Variants in MMP16 observed in about 807,000 individuals in gnomAD.
MMP16 encodes the protein matrix metalloproteinase-16.
In MMP16, 12 loss-of-function variants were observed where a neutral mutation model predicts 67.8. That is an observed-to-expected ratio of 0.18 (90% CI 0.11 to 0.29). The LOEUF is 0.29. Among genes scored for constraint, MMP16 ranks in the 10% least tolerant of loss-of-function variants. The probability of loss-of-function intolerance (pLI) is 1.00; values close to 1 mark genes in which losing one functional copy is unlikely to be tolerated. For synonymous variants in MMP16, 249 were observed against 255.9 expected (o/e 0.97, Z 0.26); for missense variants, 475 against 765.7 (o/e 0.62, Z 4.48).
intron 1 of MMP16, among the ~76,000 whole-genome samples, chr8:88,266,146 G>A (rs1317500206): frequency 6.6e-6 from 1 of 152,040 alleles, no homozygotes; most frequent in Non-Finnish European, 1.5e-5. Flanking sequence ...TCCCATTATT[G>A]TAACAAAAAT....
intron 7 of MMP16, among the ~76,000 whole-genome samples, chr8:88,060,678 T>C (rs1367487210): frequency 6.6e-6 from 1 of 152,062 alleles, no homozygotes; most frequent in Non-Finnish European, 1.5e-5. Context: ...CTTCATCTTA[T>C]TACTTAGTAC....
intron 2 of MMP16, 57 bp downstream of exon 2, chr8:88,197,101 G>T: frequency 6.5e-7 from 1 of 1,542,734 alleles, no homozygotes; most frequent in South Asian, 1.2e-5. Context: ...AAGTTTTCCA[G>T]ACTACTTAGT....
At chr8:88,096,311 A>T (rs1034590992) in intron 6 of MMP16, among the ~76,000 whole-genome samples, 1 of 151,908 alleles carries the variant, frequency 6.6e-6, no homozygotes, top group Admixed American at 6.6e-5. Flanking sequence ...TGGCCTTCAG[A>T]GTTTTAGATA....
chr8:88,310,775 A>T (rs3844198), intron 1 of MMP16, among the ~76,000 whole-genome samples: 3 of 152,080 alleles, frequency 2.0e-5, no homozygotes, highest in East Asian at 1.9e-4. Flanking sequence ...ATATGCCCCC[A>T]GGCAAGAAGA....
At chr8:88,087,002 T>A (rs1291785399) in intron 6 of MMP16, among the ~76,000 whole-genome samples, 1 of 151,938 alleles carries the variant, frequency 6.6e-6, no homozygotes, top group East Asian at 1.9e-4. Flanking sequence ...GCAAATCTTT[T>A]GCTTGGCCAG....
chr8:88,078,233 T>C (rs1171724368), intron 6 of MMP16, among the ~76,000 whole-genome samples: 1 of 152,166 alleles, frequency 6.6e-6, no homozygotes, highest in Non-Finnish European at 1.5e-5. Context: ...ACAGTACTTA[T>C]ACATTACCAA....
In MMP16 at chr8:88,032,872, G is replaced by C. The variant is rs1159367571; in HGVS notation, c.*8589C>G. On this transcript the variant is annotated 3_prime_UTR_variant, in exon 10 of 10. Transcript: ENST00000286614. ...ATATTATCAAGAACTTAATGAAATA[G>C]TGTTGAGTGTAATGAGAACAATGCA... 2.6e-5 allele frequency: 4 copies of C among 152,002 alleles called. No individual in the cohort carries two copies. The highest frequency in any genetic ancestry group is 7.2e-5 in the African/African-American group (3 of 41,406). The allele number at this position is 152,002 out of a possible 1,614,324, so 9.4% of individuals were successfully genotyped here.
chr8:88,100,183 T>C (rs1197731760), intron 6 of MMP16, among the ~76,000 whole-genome samples: 1 of 151,968 alleles, frequency 6.6e-6, no homozygotes, highest in Non-Finnish European at 1.5e-5. Flanking sequence ...TCCTGAATGG[T>C]ATTGCCTAGG....
chr8:88,122,412 C>T (rs1431542120), intron 4 of MMP16, among the ~76,000 whole-genome samples: 4 of 151,922 alleles, frequency 2.6e-5, no homozygotes, highest in Middle Eastern at 3.2e-3. Flanking sequence ...TATACTTGGC[C>T]TTTCATATAT....
intron 1 of MMP16, among the ~76,000 whole-genome samples, chr8:88,217,236 G>C (rs1809608446): frequency 6.6e-6 from 1 of 151,930 alleles, no homozygotes. Context: ...CCAAGATCCA[G>C]GCAAAAAGTG....
intron 1 of MMP16, among the ~76,000 whole-genome samples, chr8:88,302,972 G>A (rs1811128036): frequency 6.6e-6 from 1 of 152,162 alleles, no homozygotes; most frequent in South Asian, 2.1e-4. Flanking sequence ...GATCCCACTC[G>A]GGAAACCACA....
chr8:88,039,664 G>C lies in MMP16; in HGVS notation c.*1797C>G, dbSNP rs942830344. ...TCAAAAGCTAATCCCCTCAAAGCTG[G>C]CTTTCACACAAAGCCAATGTCTGAC... is the stretch of plus-strand genomic sequence containing the variant. On this transcript the variant is annotated 3_prime_UTR_variant, in exon 10 of 10. Coordinates refer to ENST00000286614, the MANE Select transcript of MMP16 (RefSeq NM_005941.5). The surrounding 1 kb of genome is among the most constrained non-coding windows in gnomAD (Gnocchi z 4.5). The C allele has an allele frequency of 6.6e-6, 1 of 152,618 alleles. No individual in the cohort carries two copies. Among genetic ancestry groups the C allele is most frequent in the Non-Finnish European group, 1.5e-5 (1 of 68,046 alleles). 9.5% of individuals were successfully genotyped at this position (152,618 alleles called of 1,614,324 possible). A position where few individuals can be genotyped will look rare whatever the true frequency, so the allele number is the denominator to read the frequency against.
At chr8:88,185,955 C>T (rs557689588) in intron 3 of MMP16, among the ~76,000 whole-genome samples, 98 of 152,132 alleles carry the variant, frequency 6.4e-4, no homozygotes, top group African/African-American at 2.3e-3. Flanking sequence ...AGCAGTTGTT[C>T]AATTACAAAA....
chr8:88,281,416 G>A (rs559024136), intron 1 of MMP16, among the ~76,000 whole-genome samples: 8 of 152,290 alleles, frequency 5.3e-5, no homozygotes, highest in African/African-American at 1.9e-4. Flanking sequence ...AAGGGTCAGA[G>A]GAAGGTGAAA....
intron 1 of MMP16, among the ~76,000 whole-genome samples, chr8:88,269,352 C>A (rs1162343818): frequency 6.6e-6 from 1 of 152,084 alleles, no homozygotes; most frequent in African/African-American, 2.4e-5. Flanking sequence ...ATATCAAGAT[C>A]TCTCTCTATG....
chr8:88,066,510 T>C (rs1808465061), intron 7 of MMP16, among the ~76,000 whole-genome samples: 1 of 152,178 alleles, frequency 6.6e-6, no homozygotes, highest in Admixed American at 6.6e-5. Flanking sequence ...ACTTACTAAA[T>C]ATCAAATAGA....
chr8:88,157,781 C>G (rs1482932391), intron 4 of MMP16, among the ~76,000 whole-genome samples: 1 of 152,086 alleles, frequency 6.6e-6, no homozygotes, highest in African/African-American at 2.4e-5. Context: ...ATTAACTCGT[C>G]ATTTACATTA....
At position 88,312,812 on chromosome 8, in the gene MMP16, T is replaced by C. The variant is rs375758938; in HGVS notation, c.132+14263A>G. Reference sequence around the variant, plus strand: ...GGTGAAACCCCATCTCTACTAAGAATACAAAATTAGCTGGGTGTGGTGGTG... The same window carrying C: ...GGTGAAACCCCATCTCTACTAAGAACACAAAATTAGCTGGGTGTGGTGGTG... On this transcript the variant is annotated intron_variant, in intron 1 of 9. Transcript: ENST00000286614. Among the ~76,000 whole-genome samples, 33 of 152,082 alleles carry C rather than the reference T, an allele frequency of 2.2e-4. 2 individuals carry two copies. The highest frequency in any genetic ancestry group is 3.4e-3 in the Middle Eastern group (1 of 294).
At chr8:88,157,777 T>C (rs952177898) in intron 4 of MMP16, among the ~76,000 whole-genome samples, 1 of 152,128 alleles carries the variant, frequency 6.6e-6, no homozygotes, top group Non-Finnish European at 1.5e-5. Context: ...ACCCATTAAC[T>C]CGTCATTTAC....
Sources: allele counts gnomAD v4.1 joint callset (sites outside exome capture counted in the v4.1 genomes callset), GRCh38; gene constraint gnomAD v4.1.1; non-coding constraint Gnocchi (gnomAD v3.1); transcripts MANE v1.5; gene names NCBI Gene and HGNC (gene_info 2026-07-23, HGNC 2026-07-21).